Variants in SPRR4 observed in about 807,000 individuals in gnomAD.
The protein encoded by SPRR4 is small proline rich protein 4.
For synonymous variants in SPRR4, 30 were observed against 34.3 expected, an observed-to-expected ratio of 0.87 and a Z score of 0.44; for missense variants, 106 against 91.6, an observed-to-expected ratio of 1.16 and a Z score of -0.64.
Position 152,972,566 on chromosome 1 carries a change from T to G in SPRR4, c.*436T>G, listed in dbSNP as rs902368737. The G allele has an allele frequency of 1.9e-4, 38 of 196,278 alleles. No individual in the cohort carries two copies. Among genetic ancestry groups the G allele is most frequent in the African/African-American group, 6.6e-4 (28 of 42,284 alleles). The allele number at this position is 196,278 out of a possible 1,614,324, so 12.2% of individuals were successfully genotyped here. A position where few individuals can be genotyped will look rare whatever the true frequency, so the allele number is the denominator to read the frequency against. ...TTTTCCCCAATAAATATGTGCCTCA[T>G]GTAATAAATGTGTCTGCTTCCTGGG... On this transcript the variant is annotated 3_prime_UTR_variant, in exon 2 of 2. Coordinates refer to ENST00000328051, the MANE Select transcript of SPRR4 (RefSeq NM_173080.3).
chr1:152,971,922 A>G lies in SPRR4; in HGVS notation c.32A>G (p.Gln11Arg), dbSNP rs371393508. 4.5e-5 allele frequency: 73 copies of G among 1,613,962 alleles called. No homozygotes were observed. The highest frequency in any genetic ancestry group is 6.0e-5 in the Non-Finnish European group (71 of 1,180,010). Reference sequence around the variant, plus strand: ...TCCCAGCAGCAGCAGCGGCAGCAGCAGCAGTGCCCACCCCAGAGGGCCCAG... The same window carrying G: ...TCCCAGCAGCAGCAGCGGCAGCAGCGGCAGTGCCCACCCCAGAGGGCCCAG... MSSQQQQRQQ[Q>R]QCPPQRAQQQ... The change falls in exon 2 of 2, where the codon CAG becomes CGG. Residue 11 changes from glutamine (Q) to arginine (R), a missense_variant. Transcript: ENST00000328051.
upstream of SPRR4, among the ~76,000 whole-genome samples, chr1:152,968,751 G>GA (rs1344317185): frequency 6.6e-6 from 1 of 152,218 alleles, no homozygotes; most frequent in Non-Finnish European, 1.5e-5. Context: ...ATGAAATTGG[G>GA]AAAAATAGGA....
Position 152,972,391 on chromosome 1 carries a change from C to T in SPRR4, c.*261C>T. 3 of 547,220 alleles carry T rather than the reference C, an allele frequency of 5.5e-6. No individual in the cohort carries two copies. Among genetic ancestry groups the T allele is most frequent in the Non-Finnish European group, 3.3e-6 (1 of 301,524 alleles). 33.9% of individuals were successfully genotyped at this position (547,220 alleles called of 1,614,324 possible). ...TCATTCTCTGCAGGCTCCAGCGTGG[C>T]CACAGCTAAGGCCCATCCATTTCCC... On this transcript the variant is annotated 3_prime_UTR_variant, in exon 2 of 2. Coordinates refer to ENST00000328051, the MANE Select transcript of SPRR4 (RefSeq NM_173080.3).
At position 152,971,999 on chromosome 1, in the gene SPRR4, A is replaced by T. The variant is rs765408226; in HGVS notation, c.109A>T (p.Thr37Ser). The T allele has an allele frequency of 1.2e-5, 20 of 1,613,856 alleles. No individual in the cohort carries two copies. The highest frequency in any genetic ancestry group is 1.4e-5 in the Non-Finnish European group (17 of 1,179,990). ...CQPPPVKCQE[T>S]CAPKTKDPCA... is the part of the protein sequence containing the mutation. ...GCCACCCCCTGTTAAATGTCAAGAGACATGTGCACCCAAAACCAAGGATCC... is the reference window on the plus strand; with the variant it reads ...GCCACCCCCTGTTAAATGTCAAGAGTCATGTGCACCCAAAACCAAGGATCC... The change falls in exon 2 of 2, where the codon ACA (threonine) becomes TCA (serine). Residue 37 changes from threonine (T) to serine (S), a missense_variant. Physicochemically the swap from Thr to Ser is moderately conservative, Grantham distance 58. Transcript: ENST00000328051.
chr1:152,969,366 A>T (rs754348150), upstream of SPRR4, among the ~76,000 whole-genome samples: 10 of 152,222 alleles, frequency 6.6e-5, no homozygotes, highest in African/African-American at 9.6e-5. Flanking sequence ...TTAAATTGTC[A>T]GTAAAATTGT....
rs1651877380 is a variant in SPRR4, at chr1:152,972,339, C to T, written c.*209C>T. ...GCTTCTTCTATATCCCACCCCGATG[C>T]TCTCCCAGGTGGGTGTGAGAGAGAC... is the stretch of plus-strand genomic sequence containing the variant. On this transcript the variant is annotated 3_prime_UTR_variant, in exon 2 of 2. Coordinates refer to ENST00000328051, the MANE Select transcript of SPRR4 (RefSeq NM_173080.3). 3.9e-6 allele frequency: 3 copies of T among 775,278 alleles called. No individual in the cohort carries two copies. In the South Asian group the frequency reaches 5.6e-5, roughly 14 times the overall value. The allele number at this position is 775,278 out of a possible 1,614,324, so 48.0% of individuals were successfully genotyped here. A position where few individuals can be genotyped will look rare whatever the true frequency, so the allele number is the denominator to read the frequency against.
At chr1:152,968,949 GCA>G (rs1294592549), upstream of SPRR4, among the ~76,000 whole-genome samples, 2 of 152,230 alleles carry the variant, frequency 1.3e-5, no homozygotes, top group Non-Finnish European at 2.9e-5. Context: ...ATCAGCAAGA[GCA>G]CAGAGGACTG....
upstream of SPRR4, among the ~76,000 whole-genome samples, chr1:152,970,373 C>T (rs570469267): frequency 3.9e-5 from 6 of 152,304 alleles, no homozygotes; most frequent in East Asian, 1.2e-3. Flanking sequence ...CTGCAAACAG[C>T]TCCTTCAATT....
chr1:152,971,576 TCTCACACA>T (rs1465657921), intron 1 of SPRR4, among the ~76,000 whole-genome samples: 5 of 112,126 alleles, frequency 4.5e-5, no homozygotes, highest in African/African-American at 1.0e-4. Context: ...CAGCCCGATC[TCTCACACA>T]CACACACACA....
chr1:152,972,118 C>T lies in SPRR4; in HGVS notation c.228C>T (p.Ser76=), dbSNP rs3170863. 0.57 allele frequency: 924,954 copies of T among 1,613,604 alleles called. 268,987 individuals carry two copies. The highest frequency in any genetic ancestry group is 0.8 in the African/African-American group (59,804 of 74,890). The change falls in exon 2 of 2, where the codon AGC becomes AGT. Residue 76 remains serine, a synonymous_variant. Coordinates refer to ENST00000328051, the MANE Select transcript of SPRR4 (RefSeq NM_173080.3). ...CCTCAGCCCAGCAAGCCTCCAAGAGCAAACAGAAGTAAGGATGGACTGGAT... is the reference window on the plus strand; with the variant it reads ...CCTCAGCCCAGCAAGCCTCCAAGAGTAAACAGAAGTAAGGATGGACTGGAT... ...KCPSAQQASK[S]KQK is the part of the protein sequence containing the mutation.
At chr1:152,970,953 G>T (rs937253134) in intron 1 of SPRR4, among the ~76,000 whole-genome samples, 1 of 152,164 alleles carries the variant, frequency 6.6e-6, no homozygotes, top group Admixed American at 6.5e-5. Context: ...TGTTGAAGAA[G>T]GAGATATTTA....
chr1:152,972,266 T>C lies in SPRR4; in HGVS notation c.*136T>C, dbSNP rs1371458013. ...CTCCTGCCCAAGATGTAAGGAAGCA[T>C]TGTAAGGATTTCTTCCCATCGTACC... On this transcript the variant is annotated 3_prime_UTR_variant, in exon 2 of 2. Coordinates refer to ENST00000328051, the MANE Select transcript of SPRR4 (RefSeq NM_173080.3). 17 of 1,389,212 alleles carry C rather than the reference T, an allele frequency of 1.2e-5. No individual in the cohort carries two copies. In the Admixed American group the frequency reaches 1.9e-4, roughly 15 times the overall value. 86.1% of individuals were successfully genotyped at this position (1,389,212 alleles called of 1,614,324 possible).
intron 1 of SPRR4, among the ~76,000 whole-genome samples, chr1:152,971,618 A>G (rs1200575335): frequency 1.3e-5 from 2 of 151,214 alleles, no homozygotes; most frequent in Non-Finnish European, 2.9e-5. Flanking sequence ...ACACACTCAC[A>G]CACACACCAT....
chr1:152,972,458 T>G lies in SPRR4; in HGVS notation c.*328T>G, dbSNP rs1651882253. The stretch of plus-strand genomic sequence containing the variant: ...CTGGGCTTCTTCTGGGGTTCCACCC[T>G]GACAAGTAGGGTCACAGAGGCTGGT... On this transcript the variant is annotated 3_prime_UTR_variant, in exon 2 of 2. Coordinates refer to ENST00000328051, the MANE Select transcript of SPRR4 (RefSeq NM_173080.3). 2.8e-6 allele frequency: 1 copy of G among 353,244 alleles called. No individual in the cohort carries two copies. The allele number at this position is 353,244 out of a possible 1,614,324, so 21.9% of individuals were successfully genotyped here.
upstream of SPRR4, among the ~76,000 whole-genome samples, chr1:152,970,013 T>C (rs892996099): frequency 6.6e-6 from 1 of 152,150 alleles, no homozygotes; most frequent in Non-Finnish European, 1.5e-5. Context: ...CCCCCTGGAA[T>C]AGGAAGGACA....
At chr1:152,971,498 C>T (rs964008501) in intron 1 of SPRR4, among the ~76,000 whole-genome samples, 2 of 152,028 alleles carry the variant, frequency 1.3e-5, no homozygotes, top group African/African-American at 2.4e-5. Flanking sequence ...GCCTTAGTCT[C>T]CCATGGTGAG....
Position 152,972,360 on chromosome 1 carries a change from G to A in SPRR4, c.*230G>A. The A allele has an allele frequency of 1.5e-6, 1 of 653,954 alleles. No individual in the cohort carries two copies. Among genetic ancestry groups the A allele is most frequent in the South Asian group, 2.0e-5 (1 of 50,666 alleles). 40.5% of individuals were successfully genotyped at this position (653,954 alleles called of 1,614,324 possible). On this transcript the variant is annotated 3_prime_UTR_variant, in exon 2 of 2. Transcript: ENST00000328051. ...GATGCTCTCCCAGGTGGGTGTGAGA[G>A]AGACCTCATTCTCTGCAGGCTCCAG...
rs1651868274 is a variant in SPRR4 at position 152,972,130 on chromosome 1, A to C, written c.240A>C (p.Ter80TyrextTer47). 6.2e-7 allele frequency: 1 copy of C among 1,613,918 alleles called. No individual in the cohort carries two copies. Among genetic ancestry groups the C allele is most frequent in the Non-Finnish European group, 8.5e-7 (1 of 1,179,990 alleles). ...AAGCCTCCAAGAGCAAACAGAAGTAAGGATGGACTGGATATTACCATCATC... is the reference window on the plus strand; with the variant it reads ...AAGCCTCCAAGAGCAAACAGAAGTACGGATGGACTGGATATTACCATCATC... ...AQQASKSKQK[*>Y] The change falls in exon 2 of 2, where the codon TAA becomes TAC. Residue 80 changes from the stop codon to tyrosine (Y), a stop_lost. Transcript: ENST00000328051.
intron 1 of SPRR4, 87 bp downstream of exon 1, chr1:152,970,781 C>T (rs1370026684): frequency 6.6e-6 from 1 of 152,380 alleles, no homozygotes; most frequent in African/African-American, 2.4e-5. Flanking sequence ...CCAAGATCCT[C>T]TTCCATCCTT....
Sources: gnomAD v4.1 joint callset for allele counts (sites outside exome capture counted in the v4.1 genomes callset) on GRCh38, gnomAD v4.1.1 for gene constraint, MANE v1.5 for transcripts, NCBI Gene and HGNC (gene_info 2026-07-23, HGNC 2026-07-21) for gene names.